The following LDLRAD3 variants were observed in gnomAD, a reference collection of about 807,000 sequenced individuals.
LDLRAD3 encodes low density lipoprotein receptor class A domain containing 3.
LDLRAD3 carries 20 observed loss-of-function variants against 29.4 expected under a neutral mutation model. The observed-to-expected ratio is 0.68, with a 90% CI of 0.48 to 0.99. The LOEUF is 0.99. Ranked by LOEUF, LDLRAD3 falls within the 50% of genes least tolerant of loss-of-function variation. The pLI is 0.00. For missense variants in LDLRAD3, 420 were observed against 454.3 expected, an observed-to-expected ratio of 0.92 and a Z score of 0.69; for synonymous variants, 157 against 192.7, an observed-to-expected ratio of 0.81 and a Z score of 1.53.
At chr11:36,013,371 T>A (rs968583164) in intron 1 of LDLRAD3, among the ~76,000 whole-genome samples, 2 of 152,190 alleles carry the variant, frequency 1.3e-5, no homozygotes, top group African/African-American at 4.8e-5. Context: ...ACATGTGCCA[T>A]GGTGGTTTGC....
At chr11:36,201,346 C>T (rs1387274071) in intron 4 of LDLRAD3, among the ~76,000 whole-genome samples, 1 of 152,178 alleles carries the variant, frequency 6.6e-6, no homozygotes, top group East Asian at 1.9e-4. Context: ...ACAAGTACAA[C>T]ACTGCACTCA....
At chr11:36,045,301 A>T (rs1197426711) in intron 2 of LDLRAD3, among the ~76,000 whole-genome samples, 1 of 152,182 alleles carries the variant, frequency 6.6e-6, no homozygotes, top group Non-Finnish European at 1.5e-5. Context: ...GTAATTTTAC[A>T]CTAAGGGGAG....
intron 4 of LDLRAD3, among the ~76,000 whole-genome samples, chr11:36,199,503 G>A (rs1855085996): frequency 6.6e-6 from 1 of 151,998 alleles, no homozygotes; most frequent in African/African-American, 2.4e-5. Flanking sequence ...TGGTACGATC[G>A]AAGACATCTC....
intron 2 of LDLRAD3, among the ~76,000 whole-genome samples, chr11:36,058,310 C>A (rs1231616245): frequency 2.0e-5 from 3 of 152,190 alleles, no homozygotes; most frequent in Non-Finnish European, 4.4e-5. Flanking sequence ...CCACTTCCCC[C>A]AGAAGCAAAG....
chr11:36,054,920 A>C (rs1425554516), intron 2 of LDLRAD3, among the ~76,000 whole-genome samples: 1 of 134,700 alleles, frequency 7.4e-6, no homozygotes, highest in Admixed American at 7.6e-5. Flanking sequence ...TGATGGATAC[A>C]TGGATGCATG....
At position 35,977,057 on chromosome 11, in the gene LDLRAD3, C is replaced by T. The variant is rs747370676; in HGVS notation, c.46+32913C>T. Among the ~76,000 whole-genome samples, 111 of 152,176 alleles carry T rather than the reference C, an allele frequency of 7.3e-4. 1 individual carries two copies. Among genetic ancestry groups the T allele is most frequent in the Admixed American group, 5.9e-4 (9 of 15,282 alleles). On this transcript the variant is annotated intron_variant, in intron 1 of 5. Coordinates refer to ENST00000315571, the MANE Select transcript of LDLRAD3 (RefSeq NM_174902.4). ...TTATTAGAATGAAAACTGCATTGCT[C>T]AGGCATGTGTTATGCCTATTGAGTG... is the stretch of plus-strand genomic sequence containing the variant.
intron 4 of LDLRAD3, among the ~76,000 whole-genome samples, chr11:36,141,895 G>A (rs1854092146): frequency 6.6e-6 from 1 of 152,172 alleles, no homozygotes. Context: ...ATTTCTGAAG[G>A]CAATAAATTC....
chr11:36,031,504 C>T, intron 1 of LDLRAD3, among the ~76,000 whole-genome samples: 1 of 152,144 alleles, frequency 6.6e-6, no homozygotes, highest in Non-Finnish European at 1.5e-5. Context: ...TAAATTAGTG[C>T]CTGAACACTT....
chr11:36,111,197 A>G (rs1488716775), intron 4 of LDLRAD3, among the ~76,000 whole-genome samples: 2 of 152,168 alleles, frequency 1.3e-5, no homozygotes, highest in East Asian at 1.9e-4. Flanking sequence ...TTATCACTGC[A>G]TGCCGTGAGA....
intron 4 of LDLRAD3, among the ~76,000 whole-genome samples, chr11:36,188,048 G>A (rs544535654): frequency 2.0e-5 from 3 of 152,222 alleles, no homozygotes; most frequent in Admixed American, 6.5e-5. Context: ...CAAGGATAAC[G>A]ATGAGTAGGA....
intron 4 of LDLRAD3, chr11:36,163,611 C>G (rs1248663985): frequency 6.6e-6 from 1 of 152,086 alleles, no homozygotes; most frequent in Non-Finnish European, 1.5e-5. Context: ...CACTGCCTTT[C>G]CCACCCCTTC....
chr11:36,144,432 C>T (rs1047974129), intron 4 of LDLRAD3, among the ~76,000 whole-genome samples: 5 of 147,262 alleles, frequency 3.4e-5, no homozygotes, highest in African/African-American at 9.9e-5. Flanking sequence ...GCTGCCCAGT[C>T]TGGAAAGTGA....
chr11:35,998,187 A>G (rs1885667), intron 1 of LDLRAD3, among the ~76,000 whole-genome samples: 77,676 of 151,938 alleles, frequency 0.51, 22,386 homozygotes, highest in African/African-American at 0.79. Flanking sequence ...TAAAGGGGGA[A>G]CTCTGAGCTG....
At chr11:36,102,500 C>A (rs1221297513) in intron 4 of LDLRAD3, among the ~76,000 whole-genome samples, 3 of 97,396 alleles carry the variant, frequency 3.1e-5, no homozygotes, top group Non-Finnish European at 6.9e-5. Context: ...GCCCCTCCTC[C>A]TCTCTCTCCT....
intron 1 of LDLRAD3, among the ~76,000 whole-genome samples, chr11:35,989,635 A>G (rs193243706): frequency 5.9e-5 from 9 of 152,180 alleles, no homozygotes; most frequent in Admixed American, 4.6e-4. Flanking sequence ...TTGGTTAGGT[A>G]TGTATTTTAT....
intron 2 of LDLRAD3, among the ~76,000 whole-genome samples, chr11:36,042,030 T>G (rs1852389263): frequency 6.6e-6 from 1 of 152,208 alleles, no homozygotes; most frequent in South Asian, 2.1e-4. Context: ...TGAACATGTG[T>G]TATTATTGCT....
At chr11:36,016,156 G>T (rs1852019701) in intron 1 of LDLRAD3, among the ~76,000 whole-genome samples, 1 of 152,240 alleles carries the variant, frequency 6.6e-6, no homozygotes. Flanking sequence ...CTGGCCAGAA[G>T]GGAGGGGAGA....
intron 2 of LDLRAD3, among the ~76,000 whole-genome samples, chr11:36,059,944 A>G (rs963459063): frequency 2.6e-5 from 4 of 152,240 alleles, no homozygotes; most frequent in African/African-American, 4.8e-5. Context: ...GTTTACACTT[A>G]TGTAATGGAG....
intron 2 of LDLRAD3, among the ~76,000 whole-genome samples, chr11:36,071,966 T>A (rs7126771): frequency 0.042 from 6,441 of 152,318 alleles, 443 homozygotes; most frequent in African/African-American, 0.14. Flanking sequence ...GGTGGCAATT[T>A]GTTATAAATT....
Sources: gnomAD v4.1 joint callset for allele counts (sites outside exome capture counted in the v4.1 genomes callset) on GRCh38, gnomAD v4.1.1 for gene constraint, MANE v1.5 for transcripts, NCBI Gene and HGNC (gene_info 2026-07-23, HGNC 2026-07-21) for gene names.